FAM53B: variants seen among roughly 807,000 people sequenced by gnomAD.
FAM53B encodes the protein family with sequence similarity 53 member B.
In FAM53B, 12 loss-of-function variants were observed where a neutral mutation model predicts 32.7. The ratio of observed to expected loss-of-function variants is 0.37; its 90% CI spans 0.24 to 0.59. FAM53B has a LOEUF of 0.59. Ranked by LOEUF, FAM53B falls within the 20% of genes least tolerant of loss-of-function variation. FAM53B has a pLI of 0.72. For synonymous variants in FAM53B, 234 were observed against 228.7 expected (o/e 1.02, Z -0.21); for missense variants, 477 against 577.7 (o/e 0.83, Z 1.79).
At chr10:124,642,643 C>A (rs1197962847) in intron 4 of FAM53B, among the ~76,000 whole-genome samples, 1 of 152,186 alleles carries the variant, frequency 6.6e-6, no homozygotes, top group Non-Finnish European at 1.5e-5. Context: ...TCAGGATCCC[C>A]GAGACACAGG....
At chr10:124,714,937 T>TGG (rs1165154415) in intron 1 of FAM53B, among the ~76,000 whole-genome samples, 4 of 152,162 alleles carry the variant, frequency 2.6e-5, no homozygotes, top group African/African-American at 9.7e-5. Flanking sequence ...GTACTACTGT[T>TGG]ATCCCATTTT....
At chr10:124,644,625 GT>G (rs1171155824) in intron 4 of FAM53B, among the ~76,000 whole-genome samples, 1 of 152,220 alleles carries the variant, frequency 6.6e-6, no homozygotes, top group Non-Finnish European at 1.5e-5. Context: ...CACTCAAAGG[GT>G]TTTGCCACTG....
At chr10:124,681,524 A>C in intron 4 of FAM53B, 83 bp downstream of exon 4, 1 of 1,245,910 alleles carries the variant, frequency 8.0e-7, no homozygotes, top group Middle Eastern at 2.9e-4. Context: ...TGAAACTGGC[A>C]ATCTATGCTT....
intron 4 of FAM53B, among the ~76,000 whole-genome samples, chr10:124,670,492 T>A (rs1369218086): frequency 6.6e-6 from 1 of 151,980 alleles, no homozygotes; most frequent in African/African-American, 2.4e-5. Flanking sequence ...CCTGCCGACA[T>A]CTCAAGCATC....
At chr10:124,625,560 G>A (rs749909382) in intron 4 of FAM53B, among the ~76,000 whole-genome samples, 3 of 152,174 alleles carry the variant, frequency 2.0e-5, no homozygotes, top group African/African-American at 2.4e-5. Flanking sequence ...AGGCCTGGAC[G>A]ATGGATCGGC....
Position 124,694,490 on chromosome 10 carries a change from T to A in FAM53B, c.133+1668A>T, listed in dbSNP as rs552700585. Among the ~76,000 whole-genome samples, 263 of 152,326 alleles carry A rather than the reference T, an allele frequency of 1.7e-3. 2 individuals carry two copies. The highest frequency in any genetic ancestry group is 2.8e-3 in the Non-Finnish European group (192 of 68,014). ...AACCCACCAGACTTCCACCTTATTA[T>A]AACTTACACAGTGCAAAGACTAGAA... On this transcript the variant is annotated intron_variant, in intron 3 of 4. Coordinates refer to ENST00000337318, the MANE Select transcript of FAM53B (RefSeq NM_014661.4).
intron 3 of FAM53B, 100 bp downstream of exon 3, chr10:124,696,058 A>G: frequency 1.0e-6 from 1 of 968,594 alleles, no homozygotes. Flanking sequence ...CTCTTTTTGA[A>G]CTTGTGTCCA....
chr10:124,683,389 G>A (rs578177982), intron 3 of FAM53B, among the ~76,000 whole-genome samples: 4 of 152,264 alleles, frequency 2.6e-5, no homozygotes, highest in East Asian at 3.9e-4. Context: ...CTATTTTCTC[G>A]AGCCTATATA....
intron 1 of FAM53B, among the ~76,000 whole-genome samples, chr10:124,732,294 T>C (rs998345589): frequency 3.3e-5 from 5 of 152,176 alleles, no homozygotes; most frequent in Admixed American, 3.3e-4. Context: ...CATAAGGGAT[T>C]CTACCCTGGT....
chr10:124,736,884 C>T (rs1400174394), intron 1 of FAM53B, among the ~76,000 whole-genome samples: 3 of 152,246 alleles, frequency 2.0e-5, no homozygotes, highest in African/African-American at 4.8e-5. Flanking sequence ...TGCCAGGGAA[C>T]GCCCACTGGG....
Position 124,631,597 on chromosome 10 carries a change from G to A in FAM53B, c.907-7993C>T, listed in dbSNP as rs146710319. Reference sequence around the variant, plus strand: ...GAGTGGTGCTCATCGGGCCAAACCCGCCACGCAGGCCAGAGCCCGGCCACC... The same window carrying A: ...GAGTGGTGCTCATCGGGCCAAACCCACCACGCAGGCCAGAGCCCGGCCACC... On this transcript the variant is annotated intron_variant, in intron 4 of 4. Coordinates refer to ENST00000337318, the MANE Select transcript of FAM53B (RefSeq NM_014661.4). 4.8e-4 allele frequency among the ~76,000 whole-genome samples: 73 copies of A among 152,306 alleles called. 1 individual carries two copies. Among genetic ancestry groups the A allele is most frequent in the African/African-American group, 1.5e-3 (62 of 41,566 alleles).
chr10:124,710,549 C>T (rs1460597343), intron 1 of FAM53B, among the ~76,000 whole-genome samples: 1 of 152,194 alleles, frequency 6.6e-6, no homozygotes, highest in Non-Finnish European at 1.5e-5. Context: ...AGTCTGCAAA[C>T]AGGGTCAGGG....
chr10:124,633,468 G>A (rs1213909920), intron 4 of FAM53B, among the ~76,000 whole-genome samples: 2 of 152,132 alleles, frequency 1.3e-5, no homozygotes, highest in Admixed American at 6.5e-5. Context: ...AAATAAACAA[G>A]TGAGATTAGT....
chr10:124,628,854 C>T (rs1173949713), intron 4 of FAM53B, among the ~76,000 whole-genome samples: 1 of 152,224 alleles, frequency 6.6e-6, no homozygotes, highest in Admixed American at 6.5e-5. Flanking sequence ...TTCGCAGCTC[C>T]CAAAGCACCA....
At chr10:124,678,070 G>T (rs1185782631) in intron 4 of FAM53B, among the ~76,000 whole-genome samples, 1 of 152,234 alleles carries the variant, frequency 6.6e-6, no homozygotes, top group Admixed American at 6.5e-5. Flanking sequence ...GGCGTGAACA[G>T]AAAAGGGAGG....
intron 1 of FAM53B, among the ~76,000 whole-genome samples, chr10:124,726,545 T>C (rs1015664515): frequency 1.3e-5 from 2 of 152,220 alleles, no homozygotes; most frequent in African/African-American, 4.8e-5. Context: ...AGGCAATGGA[T>C]TGACAAGCTA....
intron 1 of FAM53B, among the ~76,000 whole-genome samples, chr10:124,740,868 T>C (rs1426993625): frequency 6.6e-6 from 1 of 151,808 alleles, no homozygotes; most frequent in African/African-American, 2.4e-5. Flanking sequence ...AGGAGGAGAG[T>C]CCAGCAGAGC....
intron 3 of FAM53B, among the ~76,000 whole-genome samples, chr10:124,695,003 T>C (rs2134077716): frequency 6.6e-6 from 1 of 152,348 alleles, no homozygotes; most frequent in East Asian, 1.9e-4. Flanking sequence ...ATGATGCCAC[T>C]GGCAGAGCCA....
At chr10:124,689,512 G>A (rs747140178) in intron 3 of FAM53B, among the ~76,000 whole-genome samples, 3 of 152,144 alleles carry the variant, frequency 2.0e-5, no homozygotes, top group Non-Finnish European at 2.9e-5. Flanking sequence ...TCTTGGATTC[G>A]GGGACAGCAA....
Sources: allele counts gnomAD v4.1 joint callset (sites outside exome capture counted in the v4.1 genomes callset), GRCh38; gene constraint gnomAD v4.1.1; transcripts MANE v1.5; gene names NCBI Gene and HGNC (gene_info 2026-07-23, HGNC 2026-07-21).